The following TLL2 variants were observed in gnomAD, a reference collection of about 807,000 sequenced individuals.
TLL2 encodes tolloid like 2.
A neutral mutation model predicts 123.0 loss-of-function variants in TLL2; 106 were observed. The ratio of observed to expected loss-of-function variants is 0.86; its 90% CI spans 0.74 to 1.01. The LOEUF (loss-of-function observed/expected upper bound fraction) is 1.01, where lower values mean the gene tolerates loss of function less well. Among genes scored for constraint, TLL2 ranks in the 50% least tolerant of loss-of-function variants. The pLI is 0.00. For synonymous variants in TLL2, 494 were observed against 516.8 expected, an observed-to-expected ratio of 0.96 and a Z score of 0.60; for missense variants, 1,332 against 1,336.7, an observed-to-expected ratio of 1.00 and a Z score of 0.06.
At chr10:96,432,139 G>T (rs745309985) in intron 4 of TLL2, among the ~76,000 whole-genome samples, 5 of 152,192 alleles carry the variant, frequency 3.3e-5, no homozygotes, top group Non-Finnish European at 7.3e-5. Flanking sequence ...ATATTTTAAA[G>T]ATAATATTAA....
In TLL2 at chr10:96,435,064, C is replaced by T. The variant is rs572895407; in HGVS notation, c.365-2102G>A. Among the ~76,000 whole-genome samples the T allele has an allele frequency of 9.1e-5, 13 of 142,850 alleles. No individual in the cohort carries two copies. In the Admixed American group the frequency reaches 9.4e-4, roughly 10 times the overall value. The allele number at this position is 142,850 out of a possible 152,430, so 93.7% of individuals were successfully genotyped here. On this transcript the variant is annotated intron_variant, in intron 3 of 20. Transcript: ENST00000357947. Reference sequence around the variant, plus strand: ...TTTTTTTTTTTGAGACGGAGTCTTGCTCTGTTGCCCAGGCTGGAGTACAGT... The same window carrying T: ...TTTTTTTTTTTGAGACGGAGTCTTGTTCTGTTGCCCAGGCTGGAGTACAGT...
chr10:96,408,515 G>C (rs1202075520), intron 9 of TLL2, among the ~76,000 whole-genome samples: 1 of 152,164 alleles, frequency 6.6e-6, no homozygotes, highest in Non-Finnish European at 1.5e-5. Context: ...CCTCTGCTGT[G>C]CAGAGCAATT....
At chr10:96,485,062 G>A (rs1335677114) in intron 1 of TLL2, among the ~76,000 whole-genome samples, 4 of 152,122 alleles carry the variant, frequency 2.6e-5, no homozygotes, top group African/African-American at 9.7e-5. Flanking sequence ...GCCACCAGAG[G>A]CTTTTAAAAG....
chr10:96,395,499 A>C, intron 12 of TLL2, 117 bp from the exon 13 acceptor site: 1 of 1,023,696 alleles, frequency 9.8e-7, no homozygotes, highest in South Asian at 1.8e-5. Flanking sequence ...AAAGGACCCA[A>C]GTGTGTCCCA....
chr10:96,405,411 G>T, intron 9 of TLL2, 77 bp from the exon 10 acceptor site: 1 of 1,314,632 alleles, frequency 7.6e-7, no homozygotes, highest in Non-Finnish European at 1.1e-6. Flanking sequence ...GCATACTGGT[G>T]TTCTCACGTT....
Position 96,370,716 on chromosome 10 carries a change from C to A in TLL2, c.2663-401G>T, listed in dbSNP as rs116436332. Among the ~76,000 whole-genome samples, 712 of 152,284 alleles carry A rather than the reference C, an allele frequency of 4.7e-3. 7 individuals carry two copies. Among genetic ancestry groups the A allele is most frequent in the African/African-American group, 0.016 (674 of 41,550 alleles). ...GATGCATCTGAGAAGGGCTCCCACT[C>A]GCCCCACCGACTGACTGCAATTTGT... On this transcript the variant is annotated intron_variant, in intron 19 of 20. Transcript: ENST00000357947.
At chr10:96,469,771 G>C (rs976323049) in intron 2 of TLL2, among the ~76,000 whole-genome samples, 1 of 152,270 alleles carries the variant, frequency 6.6e-6, no homozygotes, top group African/African-American at 2.4e-5. Flanking sequence ...TGTATCCTTG[G>C]TGCTGAGCAC....
chr10:96,420,202 T>C (rs1158291602), intron 7 of TLL2, among the ~76,000 whole-genome samples: 1 of 152,226 alleles, frequency 6.6e-6, no homozygotes, highest in African/African-American at 2.4e-5. Flanking sequence ...TTGTTCTCTG[T>C]GACTCCTTTA....
At chr10:96,375,702 C>T (rs987604515) in intron 18 of TLL2, among the ~76,000 whole-genome samples, 1 of 152,098 alleles carries the variant, frequency 6.6e-6, no homozygotes, top group African/African-American at 2.4e-5. Context: ...CCCTGGGGGC[C>T]CATTCGCCTC....
Position 96,379,069 on chromosome 10 carries a change from T to A in TLL2, c.2218A>T (p.Asn740Tyr), listed in dbSNP as rs752551885. 2.7e-5 allele frequency: 44 copies of A among 1,614,148 alleles called. No homozygotes were observed. The highest frequency in any genetic ancestry group is 3.6e-5 in the Non-Finnish European group (43 of 1,179,996). Residue 740 changes from asparagine to tyrosine, a missense_variant, in exon 17 of 21, where the codon AAC (asparagine) becomes TAC (tyrosine). Coordinates refer to ENST00000357947, the MANE Select transcript of TLL2 (RefSeq NM_012465.4). ...ACGCACTCATGCTGACACCCGCCGT[T>A]GTCCTTGGCACACTCGTCCTTATCT... ...FSDKDECAKD[N>Y]GGCQHECVNT...
chr10:96,497,269 G>C (rs1050326563), intron 1 of TLL2, among the ~76,000 whole-genome samples: 4 of 152,138 alleles, frequency 2.6e-5, no homozygotes, highest in Non-Finnish European at 5.9e-5. Flanking sequence ...GCAACAGAAT[G>C]AGACTCTGTC....
intron 16 of TLL2, among the ~76,000 whole-genome samples, chr10:96,379,931 G>A (rs192244647): frequency 5.9e-5 from 9 of 152,332 alleles, no homozygotes; most frequent in Non-Finnish European, 8.8e-5. Context: ...CTCAAGTGCC[G>A]CGACTCCACC....
chr10:96,376,970 C>CT (rs1410794253), intron 17 of TLL2, 151 bp from the exon 18 acceptor site: 1 of 663,450 alleles, frequency 1.5e-6, no homozygotes, highest in African/African-American at 1.9e-5. Flanking sequence ...CAGGTATCTC[C>CT]TGGCTCAGGG....
At chr10:96,432,592 G>A (rs1846755207) in intron 4 of TLL2, among the ~76,000 whole-genome samples, 1 of 152,168 alleles carries the variant, frequency 6.6e-6, no homozygotes, top group Non-Finnish European at 1.5e-5. Context: ...CGGGGAGCAA[G>A]GTAACCAACT....
chr10:96,429,315 T>C (rs1410382563), intron 4 of TLL2, among the ~76,000 whole-genome samples: 1 of 151,928 alleles, frequency 6.6e-6, no homozygotes, highest in Non-Finnish European at 1.5e-5. Flanking sequence ...AATCTTCATG[T>C]TGTATACCTT....
intron 4 of TLL2, 32 bp downstream of exon 4, chr10:96,432,775 A>C: frequency 6.2e-7 from 1 of 1,605,550 alleles, no homozygotes; most frequent in Non-Finnish European, 8.5e-7. Context: ...AAGCACCCTG[A>C]CCCAAAGCAG....
intron 1 of TLL2, among the ~76,000 whole-genome samples, chr10:96,512,506 G>A (rs1164120363): frequency 6.6e-6 from 1 of 152,130 alleles, no homozygotes; most frequent in East Asian, 1.9e-4. Flanking sequence ...CGCCGAGGGT[G>A]GAGGTCGCGC....
intron 13 of TLL2, among the ~76,000 whole-genome samples, chr10:96,394,292 G>A (rs1564897600): frequency 6.6e-6 from 1 of 152,166 alleles, no homozygotes; most frequent in Non-Finnish European, 1.5e-5. Flanking sequence ...TCTACTCAAG[G>A]GCTGCTGCTG....
chr10:96,413,387 C>T, intron 7 of TLL2, 71 bp from the exon 8 acceptor site: 1 of 1,553,402 alleles, frequency 6.4e-7, no homozygotes, highest in Non-Finnish European at 8.7e-7. Context: ...GATTTCTAGG[C>T]TTCATTCCCT....
Sources: allele counts gnomAD v4.1 joint callset (sites outside exome capture counted in the v4.1 genomes callset), GRCh38; gene constraint gnomAD v4.1.1; transcripts MANE v1.5; gene names NCBI Gene and HGNC (gene_info 2026-07-23, HGNC 2026-07-21).